Variants in COLEC12 observed in about 807,000 individuals in gnomAD.
COLEC12 encodes the protein collectin-12.
In COLEC12, 33 loss-of-function variants were observed where a neutral mutation model predicts 71.1. That is an observed-to-expected ratio of 0.46 (90% CI 0.35 to 0.62). The LOEUF is 0.62. Among genes scored for constraint, COLEC12 ranks in the 20% least tolerant of loss-of-function variants. COLEC12 has a pLI of 0.00. For missense variants in COLEC12, 765 were observed against 916.1 expected, an observed-to-expected ratio of 0.84 and a Z score of 2.13; for synonymous variants, 350 against 353.0, an observed-to-expected ratio of 0.99 and a Z score of 0.10.
At chr18:350,867 G>C (rs1051764826) in intron 3 of COLEC12, among the ~76,000 whole-genome samples, 2 of 151,642 alleles carry the variant, frequency 1.3e-5, no homozygotes, top group Non-Finnish European at 2.9e-5. Context: ...GGTGGAACCA[G>C]GAGAATTGCT....
At chr18:423,772 TCCCAGTCTTTTACAATTAAGGTTAA>T (rs1916146214) in intron 2 of COLEC12, 1 of 152,302 alleles carries the variant, frequency 6.6e-6, no homozygotes, top group Non-Finnish European at 1.5e-5. Context: ...TGTTTTTTTT[TCCCAGTCTTTTACAATTAAGGTTAA>T]CTCAGTCAGA....
At chr18:332,964 CTTAAA>C (rs762231639) in intron 7 of COLEC12, 38 bp downstream of exon 7, 4 of 1,502,944 alleles carry the variant, frequency 2.7e-6, no homozygotes, top group African/African-American at 2.8e-5. Flanking sequence ...GTAAACTATC[CTTAAA>C]TTATAGTTTT....
At chr18:377,379 C>T (rs761684823) in intron 2 of COLEC12, among the ~76,000 whole-genome samples, 2 of 152,212 alleles carry the variant, frequency 1.3e-5, no homozygotes, top group African/African-American at 2.4e-5. Context: ...ATAAAGAACC[C>T]GTAGGAATTA....
intron 3 of COLEC12, among the ~76,000 whole-genome samples, chr18:353,457 T>C (rs1173344491): frequency 1.3e-5 from 2 of 152,222 alleles, no homozygotes; most frequent in African/African-American, 2.4e-5. Flanking sequence ...GCTCTTTCTA[T>C]GACTCCGTAT....
chr18:459,623 T>C (rs988494997), intron 2 of COLEC12, among the ~76,000 whole-genome samples: 8 of 152,336 alleles, frequency 5.3e-5, no homozygotes, highest in African/African-American at 1.9e-4. Context: ...TCTTTGCACA[T>C]CTGGTGCAGC....
chr18:339,139 TG>T (rs899499232), intron 5 of COLEC12, among the ~76,000 whole-genome samples: 5 of 152,126 alleles, frequency 3.3e-5, no homozygotes, highest in Non-Finnish European at 5.9e-5. Context: ...AGACTGCTGG[TG>T]GGGGGAGCTG....
chr18:424,488 T>G (rs1441566107), intron 2 of COLEC12: 1 of 152,206 alleles, frequency 6.6e-6, no homozygotes, highest in Admixed American at 6.5e-5. Context: ...GCCTTTGAGG[T>G]TTTTCCTATG....
chr18:464,232 T>G (rs1917042633), intron 2 of COLEC12, among the ~76,000 whole-genome samples: 1 of 152,242 alleles, frequency 6.6e-6, no homozygotes, highest in African/African-American at 2.4e-5. Flanking sequence ...TTAACTTGGC[T>G]GTAGCAACCT....
chr18:353,003 T>C (rs1175449538), intron 3 of COLEC12, among the ~76,000 whole-genome samples: 1 of 152,254 alleles, frequency 6.6e-6, no homozygotes, highest in African/African-American at 2.4e-5. Context: ...TTTCAGGTAT[T>C]ATACCTGAAG....
At chr18:381,720 A>C (rs534871345) in intron 2 of COLEC12, among the ~76,000 whole-genome samples, 2 of 152,358 alleles carry the variant, frequency 1.3e-5, no homozygotes, top group South Asian at 4.1e-4. Flanking sequence ...GAAAAAATGG[A>C]AACTTTTAAT....
At chr18:452,367 C>T (rs2846635) in intron 2 of COLEC12, among the ~76,000 whole-genome samples, 199 of 152,268 alleles carry the variant, frequency 1.3e-3, no homozygotes, top group Non-Finnish European at 2.5e-3. Flanking sequence ...TCTTATAGCG[C>T]TATAGTAAGA....
intron 2 of COLEC12, among the ~76,000 whole-genome samples, chr18:454,678 G>A (rs1460448928): frequency 6.6e-6 from 1 of 152,130 alleles, no homozygotes; most frequent in Non-Finnish European, 1.5e-5. Context: ...GTGAGACTCT[G>A]TCTCCAAAAA....
chr18:448,849 G>T (rs1310983994), intron 2 of COLEC12, among the ~76,000 whole-genome samples: 1 of 152,148 alleles, frequency 6.6e-6, no homozygotes, highest in Non-Finnish European at 1.5e-5. Context: ...CAAACCTCAT[G>T]AAAATAAAGC....
chr18:338,003 G>A (rs1598329940), intron 5 of COLEC12, among the ~76,000 whole-genome samples: 1 of 151,948 alleles, frequency 6.6e-6, no homozygotes, highest in South Asian at 2.1e-4. Context: ...TCTGACTTTT[G>A]TCTTCCTTAA....
intron 2 of COLEC12, among the ~76,000 whole-genome samples, chr18:415,837 C>A (rs948694681): frequency 3.3e-5 from 5 of 152,120 alleles, no homozygotes; most frequent in African/African-American, 1.2e-4. Context: ...GCAAAATGTG[C>A]AGTAACACTG....
intron 2 of COLEC12, among the ~76,000 whole-genome samples, chr18:429,307 A>G (rs147109651): frequency 6.1e-4 from 93 of 152,366 alleles, no homozygotes; most frequent in Middle Eastern, 3.4e-3. Context: ...AATGTGTACA[A>G]TGCCAGACAA....
chr18:497,967 T>C (rs1381081487), intron 1 of COLEC12, among the ~76,000 whole-genome samples: 3 of 152,252 alleles, frequency 2.0e-5, no homozygotes, highest in Admixed American at 2.0e-4. Context: ...AATTGTGGGT[T>C]ACTTGGCTAG....
At chr18:322,931 A>T (rs983576890) in intron 8 of COLEC12, among the ~76,000 whole-genome samples, 1 of 152,194 alleles carries the variant, frequency 6.6e-6, no homozygotes, top group East Asian at 1.9e-4. Flanking sequence ...ATTTAAAAAA[A>T]ATGAGTATGA....
At chr18:361,776 C>G (rs1914749291) in intron 2 of COLEC12, among the ~76,000 whole-genome samples, 1 of 152,206 alleles carries the variant, frequency 6.6e-6, no homozygotes, top group Non-Finnish European at 1.5e-5. Flanking sequence ...AGAAGGGCGA[C>G]AGACACGGGG....
Sources: gnomAD v4.1 joint callset for allele counts (sites outside exome capture counted in the v4.1 genomes callset) on GRCh38, gnomAD v4.1.1 for gene constraint, MANE v1.5 for transcripts, NCBI Gene and HGNC (gene_info 2026-07-23, HGNC 2026-07-21) for gene names.